EPHA1: variants seen among roughly 807,000 people sequenced by gnomAD.
EPHA1 encodes the protein ephrin type-A receptor 1.
Under a neutral mutation model 110.1 loss-of-function variants are expected in EPHA1, and 92 were observed. The observed-to-expected ratio is 0.84, with a 90% CI of 0.71 to 0.99. The LOEUF is 0.99. Ranked by LOEUF, EPHA1 falls within the 50% of genes least tolerant of loss-of-function variation. The probability of loss-of-function intolerance (pLI) is 0.00; values close to 1 mark genes in which losing one functional copy is unlikely to be tolerated. For synonymous variants in EPHA1, 500 were observed against 516.1 expected (o/e 0.97, Z 0.42); for missense variants, 1,204 against 1,285.4 (o/e 0.94, Z 0.97).
rs745352332 is a variant in EPHA1 at position 143,391,693 on chromosome 7, T to C, written c.2779A>G (p.Met927Val). The C allele has an allele frequency of 1.9e-6, 3 of 1,613,896 alleles. No individual in the cohort carries two copies. Among genetic ancestry groups the C allele is most frequent in the Non-Finnish European group, 2.5e-6 (3 of 1,180,030 alleles). ...TGGAAGTGCAGGATGTAGCGTTTCA[T>C]GCGTATGGACTCGAGCCACTCAGAG... Reference protein sequence around the residue: ...TVSEWLESIRMKRYILHFHSA... With the variant: ...TVSEWLESIRVKRYILHFHSA... The change falls in exon 17 of 18, where the codon ATG becomes GTG. Residue 927 changes from methionine to valine, a missense_variant. Coordinates refer to ENST00000275815, the MANE Select transcript of EPHA1 (RefSeq NM_005232.5).
rs4725617 is a variant in EPHA1 at position 143,400,007 on chromosome 7, A to T, written c.479T>A (p.Val160Glu). 3 of 1,613,206 alleles carry T rather than the reference A, an allele frequency of 1.9e-6. No individual in the cohort carries two copies. The highest frequency in any genetic ancestry group is 2.5e-6 in the Non-Finnish European group (3 of 1,179,580). The change falls in exon 4 of 18, where the codon GTG (valine) becomes GAG (glutamate). Residue 160 changes from valine (V) to glutamate (E), a missense_variant. Val to Glu is a moderately radical substitution (Grantham distance 121). Coordinates refer to ENST00000275815, the MANE Select transcript of EPHA1 (RefSeq NM_005232.5). ...ADQSFTIRDL[V>E]SGSVKLNVER... Reference sequence around the variant, plus strand: ...CACATTCAGCTTCACGGAGCCAGACACAAGGTCTCGAATGGTGAAGCTCTG... The same window carrying T: ...CACATTCAGCTTCACGGAGCCAGACTCAAGGTCTCGAATGGTGAAGCTCTG...
chr7:143,391,265 C>T lies in EPHA1; in HGVS notation c.*192G>A. ...CCCTCCCATGATCATCCTTTTACTT[C>T]TACCCCCACCTCCCTTTTAAAACAA... is the stretch of plus-strand genomic sequence containing the variant. On this transcript the variant is annotated 3_prime_UTR_variant, in exon 18 of 18. Transcript: ENST00000275815. 3 of 635,960 alleles carry T rather than the reference C, an allele frequency of 4.7e-6. No homozygotes were observed. The South Asian group carries it at 5.9e-5, about 12-fold the overall frequency. The allele number at this position is 635,960 out of a possible 1,614,324, so 39.4% of individuals were successfully genotyped here.
At chr7:143,407,464 G>C (rs1318008581) in intron 2 of EPHA1, 147 bp downstream of exon 2, 1 of 689,282 alleles carries the variant, frequency 1.5e-6, no homozygotes. Context: ...CCATTGAGGA[G>C]GCTCTGACTC....
chr7:143,405,379 G>A (rs557941432), intron 2 of EPHA1, among the ~76,000 whole-genome samples: 17 of 152,264 alleles, frequency 1.1e-4, no homozygotes, highest in South Asian at 1.0e-3. Flanking sequence ...TCACTCAGGC[G>A]CTGCTGGCTG....
At chr7:143,392,937 G>A (rs892026073) in intron 16 of EPHA1, among the ~76,000 whole-genome samples, 6 of 151,918 alleles carry the variant, frequency 3.9e-5, no homozygotes, top group Non-Finnish European at 7.4e-5. Flanking sequence ...GCAAGACTCC[G>A]TCTCGGGGTG....
chr7:143,406,060 T>C (rs1462076604), intron 2 of EPHA1, among the ~76,000 whole-genome samples: 2 of 152,214 alleles, frequency 1.3e-5, no homozygotes, highest in Non-Finnish European at 2.9e-5. Context: ...TGTCCACATT[T>C]CCTGGCAAAC....
chr7:143,399,526 G>C (rs779776330), intron 4 of EPHA1, 113 bp from the exon 5 acceptor site: 168 of 1,550,996 alleles, frequency 1.1e-4, no homozygotes, highest in Non-Finnish European at 1.4e-4. Context: ...GCATGTGTGT[G>C]TCCGCTGCTC....
intron 2 of EPHA1, among the ~76,000 whole-genome samples, chr7:143,405,408 G>C (rs1805520886): frequency 6.6e-6 from 1 of 150,766 alleles, no homozygotes; most frequent in Non-Finnish European, 1.5e-5. Flanking sequence ...GTGCATTCTG[G>C]ACCTGAATGC....
chr7:143,403,732 C>T (rs949080716), intron 2 of EPHA1, among the ~76,000 whole-genome samples: 1 of 152,120 alleles, frequency 6.6e-6, no homozygotes, highest in South Asian at 2.1e-4. Context: ...ACCTTTTTGC[C>T]TTTTGCCAAT....
chr7:143,399,375 G>T lies in EPHA1; in HGVS notation c.874C>A (p.Pro292Thr), dbSNP rs201804057. 6.8e-6 allele frequency: 11 copies of T among 1,609,170 alleles called. No individual in the cohort carries two copies. The highest frequency in any genetic ancestry group is 3.4e-5 in the Admixed American group (2 of 59,480). The stretch of plus-strand genomic sequence containing the variant: ...TGCTGGGGGCACGTGAGACAATGGG[G>T]TGTGTCCATGTCCATCCGGTAGGAG... ...SGSYRMDMDT[P>T]HCLTCPQQST... The change falls in exon 5 of 18, where the codon CCC becomes ACC. Residue 292 changes from proline to threonine, a missense_variant. Physicochemically the swap from Pro to Thr is conservative, Grantham distance 38. Transcript: ENST00000275815.
chr7:143,399,443 T>C (rs778190860), intron 4 of EPHA1, 30 bp from the exon 5 acceptor site: 2 of 1,553,000 alleles, frequency 1.3e-6, no homozygotes, highest in Non-Finnish European at 8.7e-7. Flanking sequence ...GAGCAGTGGT[T>C]CTGTAAATGT....
chr7:143,395,919 A>G lies in EPHA1; in HGVS notation c.1898-415T>C, dbSNP rs564955429. Among the ~76,000 whole-genome samples, 30 of 152,300 alleles carry G rather than the reference A, an allele frequency of 2.0e-4. No homozygotes were observed. Among genetic ancestry groups the G allele is most frequent in the Non-Finnish European group, 4.1e-4 (28 of 68,022 alleles). On this transcript the variant is annotated intron_variant, in intron 11 of 17. Coordinates refer to ENST00000275815, the MANE Select transcript of EPHA1 (RefSeq NM_005232.5). The surrounding 1 kb of genome is among the most constrained non-coding windows in gnomAD (Gnocchi z 4.7). ...TGCCTGGCTCAGCTGCACAATTGGCAAGGACACCACCAAGCTTTGTTCTCC... is the reference window on the plus strand; with the variant it reads ...TGCCTGGCTCAGCTGCACAATTGGCGAGGACACCACCAAGCTTTGTTCTCC...
chr7:143,398,836 A>G lies in EPHA1; in HGVS notation c.1101T>C (p.Ser367=). ...TGCCCTGACACTGGGAACACCTCAC[A>G]CTGTATCTGACATCCTGGCGTCCCC... ...DTGGRQDVRY[S]VRCSQCQGTA... is the part of the protein sequence containing the mutation. Residue 367 remains serine (S), a synonymous_variant, in exon 6 of 18, where the codon AGT becomes AGC. Transcript: ENST00000275815. 6.2e-7 allele frequency: 1 copy of G among 1,613,408 alleles called. No homozygotes were observed. Among genetic ancestry groups the G allele is most frequent in the Non-Finnish European group, 8.5e-7 (1 of 1,179,930 alleles).
chr7:143,392,181 T>C (rs953968966), intron 16 of EPHA1, among the ~76,000 whole-genome samples: 2 of 152,244 alleles, frequency 1.3e-5, no homozygotes, highest in Admixed American at 1.3e-4. Context: ...CCTTTTTCCA[T>C]AGTGGCTGCT....
Position 143,397,964 on chromosome 7 carries a change from G to A in EPHA1, c.1571C>T (p.Pro524Leu), listed in dbSNP as rs371246344. 3.1e-6 allele frequency: 5 copies of A among 1,614,060 alleles called. No homozygotes were observed. The highest frequency in any genetic ancestry group is 8.5e-7 in the Non-Finnish European group (1 of 1,180,020). Residue 524 changes from proline to leucine, a missense_variant, in exon 8 of 18, where the codon CCT (proline) becomes CTT (leucine). Pro to Leu is a moderately conservative substitution (Grantham distance 98, BLOSUM62 -3). Coordinates refer to ENST00000275815, the MANE Select transcript of EPHA1 (RefSeq NM_005232.5). ...CTCATGATCAGGGGAGAAAGGGCCA[G>A]GACCCAGTGGGGTCAGCATTCGGAC... ...VRVRMLTPLG[P>L]GPFSPDHEFR...
chr7:143,392,390 T>C (rs1345127667), intron 16 of EPHA1, among the ~76,000 whole-genome samples: 1 of 151,878 alleles, frequency 6.6e-6, no homozygotes, highest in African/African-American at 2.4e-5. Flanking sequence ...TATGAGGGAG[T>C]TGCGCTCCAA....
At chr7:143,394,004 TG>T in intron 15 of EPHA1, 140 bp from the exon 16 acceptor site, 1 of 1,232,548 alleles carries the variant, frequency 8.1e-7, no homozygotes, top group Non-Finnish European at 1.1e-6. Context: ...ACGATCACAG[TG>T]GGAGGATCAG....
Position 143,398,437 on chromosome 7 carries a change from C to T in EPHA1, c.1348G>A (p.Gly450Ser), listed in dbSNP as rs1805320693. 1.2e-6 allele frequency: 2 copies of T among 1,614,158 alleles called. No homozygotes were observed. Among genetic ancestry groups the T allele is most frequent in the East Asian group, 4.5e-5 (2 of 44,884 alleles). ...TTCTTCACCAGTCTCAGAGACAGGCCTGACAGTGACTCTGGGGGTCCAGAG... is the reference window on the plus strand; with the variant it reads ...TTCTTCACCAGTCTCAGAGACAGGCTTGACAGTGACTCTGGGGGTCCAGAG... ...ISMGHAESLSGLSLRLVKKEP... is the reference protein window; with the variant it reads ...ISMGHAESLSSLSLRLVKKEP... The change falls in exon 7 of 18, where the codon GGC becomes AGC. Residue 450 changes from glycine to serine, a missense_variant. Physicochemically the swap from Gly to Ser is moderately conservative, Grantham distance 56. Coordinates refer to ENST00000275815, the MANE Select transcript of EPHA1 (RefSeq NM_005232.5).
chr7:143,401,704 C>A lies in EPHA1; in HGVS notation c.151-99G>T. ...GAGAAGCAGCTGTGTCAGAGCCCCT[C>A]AGGTTTATGCTACTTGTTCTGCCTC... On this transcript the variant is annotated intron_variant, in intron 2 of 17. Coordinates refer to ENST00000275815, the MANE Select transcript of EPHA1 (RefSeq NM_005232.5). This position sits in a 1 kb window ranked among gnomAD's most constrained non-coding sequence, Gnocchi z 4.1. The A allele has an allele frequency of 7.0e-7, 1 of 1,427,160 alleles. No individual in the cohort carries two copies. Among genetic ancestry groups the A allele is most frequent in the Non-Finnish European group, 9.6e-7 (1 of 1,043,796 alleles). 88.4% of individuals were successfully genotyped at this position (1,427,160 alleles called of 1,614,324 possible). A position where few individuals can be genotyped will look rare whatever the true frequency, so the allele number is the denominator to read the frequency against.
Sources: allele counts gnomAD v4.1 joint callset (sites outside exome capture counted in the v4.1 genomes callset), GRCh38; gene constraint gnomAD v4.1.1; non-coding constraint Gnocchi (gnomAD v3.1); transcripts MANE v1.5; gene names NCBI Gene and HGNC (gene_info 2026-07-23, HGNC 2026-07-21).